RIPOR3: variants seen among roughly 807,000 people sequenced by gnomAD.
RIPOR3 encodes the protein RIPOR family member 3, also known as family with sequence similarity 65 member C.
A neutral mutation model predicts 114.3 loss-of-function variants in RIPOR3; 95 were observed. That is an observed-to-expected ratio of 0.83 (90% CI 0.70 to 0.99). The LOEUF (loss-of-function observed/expected upper bound fraction) is 0.99, where lower values mean the gene tolerates loss of function less well. RIPOR3 is among the 50% of genes least tolerant of loss of function. RIPOR3 has a pLI of 0.00. For synonymous variants in RIPOR3, 575 were observed against 543.8 expected (o/e 1.06, Z -0.80); for missense variants, 1,252 against 1,266.9 (o/e 0.99, Z 0.18).
intron 1 of RIPOR3, among the ~76,000 whole-genome samples, chr20:50,634,134 A>G (rs2084909862): frequency 6.6e-6 from 1 of 150,910 alleles, no homozygotes; most frequent in Non-Finnish European, 1.5e-5. Context: ...GGCACACACC[A>G]CCATTCCCAG....
chr20:50,586,898 G>A lies in RIPOR3; in HGVS notation c.*334C>T. ...AGCCTTTTATTTAGGGCCTCAACTTGCCTGGCCTTGGCCCTTTTGTAGGTG... is the reference window on the plus strand; with the variant it reads ...AGCCTTTTATTTAGGGCCTCAACTTACCTGGCCTTGGCCCTTTTGTAGGTG... On this transcript the variant is annotated 3_prime_UTR_variant, in exon 22 of 22. Coordinates refer to ENST00000327979, the MANE Select transcript of RIPOR3 (RefSeq NM_001290268.2). The A allele has an allele frequency of 4.0e-6, 1 of 252,566 alleles. No individual in the cohort carries two copies. The highest frequency in any genetic ancestry group is 7.7e-6 in the Non-Finnish European group (1 of 129,854). 15.6% of individuals were successfully genotyped at this position (252,566 alleles called of 1,614,324 possible). A position where few individuals can be genotyped will look rare whatever the true frequency, so the allele number is the denominator to read the frequency against.
At chr20:50,679,256 C>G (rs2086782871) in intron 1 of RIPOR3, among the ~76,000 whole-genome samples, 1 of 144,236 alleles carries the variant, frequency 6.9e-6, no homozygotes, top group African/African-American at 2.5e-5. Context: ...AATGAGGGTG[C>G]CACTTGGTTG....
chr20:50,597,605 G>A lies in RIPOR3; in HGVS notation c.1765C>T (p.Leu589=), dbSNP rs2083339742. 1.9e-6 allele frequency: 3 copies of A among 1,609,796 alleles called. No homozygotes were observed. The highest frequency in any genetic ancestry group is 2.7e-5 in the African/African-American group (2 of 74,826). ...CGGAGACCCTGGGAGCCCCCAAACA[G>A]GGACAGCTCATCCAGGGCGAAGTCG... ...NADFALDELS[L]FGGSQGLRKD... The change falls in exon 14 of 22, where the codon CTG becomes TTG. Residue 589 remains leucine (L), a synonymous_variant. Transcript: ENST00000327979.
At chr20:50,637,030 G>A in intron 1 of RIPOR3, 1 of 593,162 alleles carries the variant, frequency 1.7e-6, no homozygotes, top group Non-Finnish European at 2.1e-6. Flanking sequence ...GAAAGGAAAT[G>A]GCAAAATAGC....
At chr20:50,663,094 CAAAAAAAAAAAAA>C (rs35856275) in intron 1 of RIPOR3, among the ~76,000 whole-genome samples, 2 of 69,354 alleles carry the variant, frequency 2.9e-5, no homozygotes, top group African/African-American at 1.1e-4. Flanking sequence ...GAGACTGTCT[CAAAAAAAAAAAAA>C]AAAAAAAAAG....
chr20:50,616,139 T>C (rs1016181519), intron 3 of RIPOR3, 59 bp from the exon 4 acceptor site: 18 of 1,530,300 alleles, frequency 1.2e-5, no homozygotes, highest in African/African-American at 2.7e-5. Context: ...GGAAAGGAAG[T>C]AGGCCAAATG....
Position 50,609,314 on chromosome 20 carries a change from C to T in RIPOR3, c.619G>A (p.Glu207Lys), listed in dbSNP as rs143289557. The change falls in exon 8 of 22, where the codon GAG becomes AAG. Residue 207 changes from glutamate (E) to lysine (K), a missense_variant. Glu to Lys is a moderately conservative substitution (Grantham distance 56). Coordinates refer to ENST00000327979, the MANE Select transcript of RIPOR3 (RefSeq NM_001290268.2). ...TTACCTTTCATCCTGATGTGGAACTCGCCCAGGTGAACCTCCAGGGCCCCC... is the reference window on the plus strand; with the variant it reads ...TTACCTTTCATCCTGATGTGGAACTTGCCCAGGTGAACCTCCAGGGCCCCC... ...IEGALEVHLG[E>K]FHIRMKGLVG... The T allele has an allele frequency of 4.2e-5, 67 of 1,613,842 alleles. No homozygotes were observed. In the Middle Eastern group the frequency reaches 4.9e-4, roughly 12 times the overall value.
At chr20:50,650,310 AT>A (rs900133363) in intron 1 of RIPOR3, among the ~76,000 whole-genome samples, 10 of 151,270 alleles carry the variant, frequency 6.6e-5, no homozygotes, top group Non-Finnish European at 1.2e-4. Flanking sequence ...CAACATAGGA[AT>A]TTTTTTTTGA....
intron 2 of RIPOR3, among the ~76,000 whole-genome samples, chr20:50,628,752 G>A (rs1241698393): frequency 1.3e-5 from 2 of 152,328 alleles, no homozygotes; most frequent in South Asian, 4.1e-4. Flanking sequence ...CAGAGTAGGT[G>A]CTCCGTGAAT....
intron 1 of RIPOR3, among the ~76,000 whole-genome samples, chr20:50,679,149 T>TAC (rs869151189): frequency 6.0e-5 from 6 of 99,716 alleles, no homozygotes; most frequent in African/African-American, 8.0e-5. Context: ...TATATATATA[T>TAC]ACACACACAC....
At position 50,592,324 on chromosome 20, in the gene RIPOR3, A is replaced by C; in HGVS notation, c.2577+20T>G. The C allele has an allele frequency of 6.5e-7, 1 of 1,539,418 alleles. No individual in the cohort carries two copies. The highest frequency in any genetic ancestry group is 1.7e-4 in the Middle Eastern group (1 of 5,750). On this transcript the variant is annotated intron_variant, in intron 19 of 21. Coordinates refer to ENST00000327979, the MANE Select transcript of RIPOR3 (RefSeq NM_001290268.2). ...CACACATCTGTGGCCAGGGTCTGCC[A>C]CCTGCCCTGGACAACGTACCTTTTC...
chr20:50,594,118 AAAAG>A lies in RIPOR3; in HGVS notation c.2212+431_2212+434del, dbSNP rs1482640632. Among the ~76,000 whole-genome samples, 6 of 152,124 alleles carry A rather than the reference AAAAG, an allele frequency of 3.9e-5. No homozygotes were observed. The East Asian group carries it at 7.7e-4, about 20-fold the overall frequency. ...ACCCCGTCTCTACTAAAAATACAAA[AAAAG>A]AAAATTAGCCAAGCGTGGTGGTGCA... On this transcript the variant is annotated intron_variant, in intron 17 of 21. Coordinates refer to ENST00000327979, the MANE Select transcript of RIPOR3 (RefSeq NM_001290268.2).
chr20:50,654,620 T>C (rs2085743483), intron 1 of RIPOR3, among the ~76,000 whole-genome samples: 1 of 152,080 alleles, frequency 6.6e-6, no homozygotes, highest in South Asian at 2.1e-4. Context: ...CATGAACGAA[T>C]GAATGAATCT....
chr20:50,658,641 G>T (rs1320218275), intron 1 of RIPOR3, among the ~76,000 whole-genome samples: 4 of 152,170 alleles, frequency 2.6e-5, no homozygotes, highest in African/African-American at 7.2e-5. Context: ...AGAGATCAAG[G>T]TTACAGTGAG....
At chr20:50,679,270 T>C (rs1455725046) in intron 1 of RIPOR3, among the ~76,000 whole-genome samples, 1 of 143,096 alleles carries the variant, frequency 7.0e-6, no homozygotes, top group Non-Finnish European at 1.5e-5. Context: ...TTGGTTGAGT[T>C]TATGGTTAAA....
At chr20:50,618,299 A>AAG (rs2084260378) in intron 3 of RIPOR3, among the ~76,000 whole-genome samples, 1 of 142,600 alleles carries the variant, frequency 7.0e-6, no homozygotes, top group Admixed American at 7.2e-5. Flanking sequence ...AAAAAAAAAA[A>AAG]AAGGCGTAAG....
Position 50,615,991 on chromosome 20 carries a change from A to AG in RIPOR3, c.348+10dup. 2 of 1,602,318 alleles carry AG rather than the reference A, an allele frequency of 1.2e-6. No individual in the cohort carries two copies. Among genetic ancestry groups the AG allele is most frequent in the Middle Eastern group, 3.3e-4 (2 of 5,984 alleles). On this transcript the variant is annotated intron_variant, in intron 4 of 21. Coordinates refer to ENST00000327979, the MANE Select transcript of RIPOR3 (RefSeq NM_001290268.2). Reference sequence around the variant, plus strand: ...CTATCTGGGTGGGAAGCAGGCAGGGAGGGGTCTCACCAGCCTGGAATTCCT... The same window carrying AG: ...CTATCTGGGTGGGAAGCAGGCAGGGAGGGGGTCTCACCAGCCTGGAATTCCT...
At chr20:50,656,818 G>C (rs2085828582) in intron 1 of RIPOR3, among the ~76,000 whole-genome samples, 1 of 152,140 alleles carries the variant, frequency 6.6e-6, no homozygotes, top group African/African-American at 2.4e-5. Flanking sequence ...CATTTCTAAT[G>C]ACTGCAAAAT....
At chr20:50,663,193 G>A (rs1013644322) in intron 1 of RIPOR3, among the ~76,000 whole-genome samples, 8 of 151,784 alleles carry the variant, frequency 5.3e-5, no homozygotes, top group Non-Finnish European at 1.0e-4. Flanking sequence ...TCACTGACGT[G>A]ATTCTGCCTC....
Sources: gnomAD v4.1 joint callset for allele counts (sites outside exome capture counted in the v4.1 genomes callset) on GRCh38, gnomAD v4.1.1 for gene constraint, MANE v1.5 for transcripts, NCBI Gene and HGNC (gene_info 2026-07-23, HGNC 2026-07-21) for gene names.